PTH2R: variants seen among roughly 807,000 people sequenced by gnomAD.
The protein encoded by PTH2R is PTH2 receptor.
A neutral mutation model predicts 60.3 loss-of-function variants in PTH2R; 59 were observed. The ratio of observed to expected loss-of-function variants is 0.98; its 90% CI spans 0.79 to 1.22. The LOEUF (loss-of-function observed/expected upper bound fraction) is 1.22. Among genes scored for constraint, PTH2R ranks in the 50% most tolerant of loss-of-function variants. The probability of loss-of-function intolerance (pLI) is 0.00; values close to 1 mark genes in which losing one functional copy is unlikely to be tolerated. For missense variants in PTH2R, 749 were observed against 682.6 expected, an observed-to-expected ratio of 1.10 and a Z score of -1.08; for synonymous variants, 256 against 243.8, an observed-to-expected ratio of 1.05 and a Z score of -0.47.
At chr2:208,485,120 G>A (rs1344094946) in intron 10 of PTH2R, among the ~76,000 whole-genome samples, 1 of 152,110 alleles carries the variant, frequency 6.6e-6, no homozygotes, top group African/African-American at 2.4e-5. Context: ...CAAGGCCACG[G>A]GAATTGATCA....
At chr2:208,478,466 C>T (rs771979664) in intron 9 of PTH2R, among the ~76,000 whole-genome samples, 23 of 152,140 alleles carry the variant, frequency 1.5e-4, no homozygotes, top group Non-Finnish European at 2.6e-4. Flanking sequence ...GATTTCCACT[C>T]TTATATCCCT....
chr2:208,450,632 C>A, intron 7 of PTH2R, 117 bp from the exon 8 acceptor site: 1 of 982,606 alleles, frequency 1.0e-6, no homozygotes, highest in Non-Finnish European at 1.5e-6. Context: ...CAGAAATTTT[C>A]ATGTCTATTT....
intron 12 of PTH2R, among the ~76,000 whole-genome samples, chr2:208,491,729 G>T (rs576288227): frequency 2.0e-5 from 3 of 151,790 alleles, no homozygotes; most frequent in Non-Finnish European, 2.9e-5. Flanking sequence ...AAAGGGAAAG[G>T]AATGTATTTA....
At chr2:208,433,349 A>G (rs1238620322) in intron 2 of PTH2R, among the ~76,000 whole-genome samples, 1 of 152,204 alleles carries the variant, frequency 6.6e-6, no homozygotes, top group Non-Finnish European at 1.5e-5. Flanking sequence ...ATATAAATTG[A>G]CTCAAGTGCT....
At chr2:208,430,553 T>TC (rs1226353739) in intron 2 of PTH2R, among the ~76,000 whole-genome samples, 2 of 135,474 alleles carry the variant, frequency 1.5e-5, no homozygotes, top group African/African-American at 2.7e-5. Context: ...CTTCTTTTTT[T>TC]TTTTTTTTTT....
At chr2:208,482,500 T>C (rs1036048307) in intron 10 of PTH2R, among the ~76,000 whole-genome samples, 8 of 152,216 alleles carry the variant, frequency 5.3e-5, no homozygotes, top group African/African-American at 1.7e-4. Flanking sequence ...ATAACATTTG[T>C]ATGCAGAAGT....
chr2:208,453,528 C>G (rs1188281666), intron 8 of PTH2R, among the ~76,000 whole-genome samples: 2 of 152,166 alleles, frequency 1.3e-5, no homozygotes, highest in African/African-American at 2.4e-5. Flanking sequence ...TTCCAACAAA[C>G]CATGAATTCC....
rs556023610 is a variant in PTH2R, at chr2:208,442,416, C to T, written c.464C>T (p.Ser155Phe). The part of the protein sequence containing the change: ...YVMYTVGYSI[S>F]FGSLAVAILI... Reference sequence around the variant, plus strand: ...ATGTATACCGTTGGCTACTCCATCTCTTTTGGTTCCTTGGCTGTGGCTATT... The same window carrying T: ...ATGTATACCGTTGGCTACTCCATCTTTTTTGGTTCCTTGGCTGTGGCTATT... Residue 155 changes from serine to phenylalanine, a missense_variant, in exon 5 of 13, where the codon TCT becomes TTT. Ser to Phe is a radical substitution (Grantham distance 155). Transcript: ENST00000272847. 2.7e-5 allele frequency: 43 copies of T among 1,613,562 alleles called. No homozygotes were observed. Among genetic ancestry groups the T allele is most frequent in the South Asian group, 4.4e-5 (4 of 91,068 alleles).
intron 12 of PTH2R, among the ~76,000 whole-genome samples, chr2:208,492,620 C>G (rs1703429386): frequency 6.6e-6 from 1 of 152,072 alleles, no homozygotes; most frequent in Non-Finnish European, 1.5e-5. Context: ...GGATGGCTCT[C>G]AGGTCCTTGA....
rs753572528 is a variant in PTH2R, at chr2:208,481,077, T to A, written c.989T>A (p.Phe330Tyr). The change falls in exon 10 of 13, where the codon TTT (phenylalanine) becomes TAT (tyrosine). Residue 330 changes from phenylalanine (F) to tyrosine (Y), a missense_variant. Coordinates refer to ENST00000272847, the MANE Select transcript of PTH2R (RefSeq NM_005048.4). Reference sequence around the variant, plus strand: ...TCTTACCTTCTTTTTCAGCTGAATTTTATTCTGTTTCTGAATACGGTTAGA... The same window carrying A: ...TCTTACCTTCTTTTTCAGCTGAATTATATTCTGTTTCTGAATACGGTTAGA... ...APILAAIGLN[F>Y]ILFLNTVRVL... 51 of 1,598,106 alleles carry A rather than the reference T, an allele frequency of 3.2e-5. No homozygotes were observed. In the South Asian group the frequency reaches 5.6e-4, roughly 18 times the overall value.
chr2:208,463,823 G>A (rs1702681087), intron 9 of PTH2R, among the ~76,000 whole-genome samples: 1 of 152,182 alleles, frequency 6.6e-6, no homozygotes, highest in Admixed American at 6.5e-5. Context: ...GACCTGAGGG[G>A]ACTCCCAGGG....
rs746585323 is a variant in PTH2R at position 208,481,112 on chromosome 2, A to G, written c.1024A>G (p.Thr342Ala). 1.7e-5 allele frequency: 28 copies of G among 1,612,320 alleles called. No homozygotes were observed. In the South Asian group the frequency reaches 3.1e-4, roughly 18 times the overall value. ...LFLNTVRVLA[T>A]KIWETNAVGH... is the part of the protein sequence containing the mutation. ...TCTGAATACGGTTAGAGTTCTAGCTACCAAAATCTGGGAGACCAATGCAGT... is the reference window on the plus strand; with the variant it reads ...TCTGAATACGGTTAGAGTTCTAGCTGCCAAAATCTGGGAGACCAATGCAGT... The change falls in exon 10 of 13, where the codon ACC (threonine) becomes GCC (alanine). Residue 342 changes from threonine (T) to alanine (A), a missense_variant. Transcript: ENST00000272847.
intron 2 of PTH2R, among the ~76,000 whole-genome samples, chr2:208,433,352 C>G (rs1047165588): frequency 1.3e-5 from 2 of 152,130 alleles, no homozygotes; most frequent in African/African-American, 4.8e-5. Flanking sequence ...TAAATTGACT[C>G]AAGTGCTCTT....
At chr2:208,421,414 C>T (rs1660319907) in intron 1 of PTH2R, among the ~76,000 whole-genome samples, 1 of 150,736 alleles carries the variant, frequency 6.6e-6, no homozygotes, top group African/African-American at 2.4e-5. Flanking sequence ...TGCATGCTTC[C>T]TTGTGTGTGT....
chr2:208,393,246 A>T (rs1701141987), intron 1 of PTH2R, among the ~76,000 whole-genome samples: 1 of 152,094 alleles, frequency 6.6e-6, no homozygotes, highest in East Asian at 1.9e-4. Context: ...TAATGTGGGG[A>T]GATGCCTGTG....
At position 208,411,896 on chromosome 2, in the gene PTH2R, C is replaced by G. The variant is rs567934817; in HGVS notation, c.75+4778C>G. Among the ~76,000 whole-genome samples the G allele has an allele frequency of 3.3e-5, 5 of 152,278 alleles. No homozygotes were observed. In the South Asian group the frequency reaches 1.0e-3, roughly 32 times the overall value. On this transcript the variant is annotated intron_variant, in intron 1 of 12. Coordinates refer to ENST00000272847, the MANE Select transcript of PTH2R (RefSeq NM_005048.4). ...ATACAAACAAAAAGCTTAAAGGTGC[C>G]TGATAACAAAAGATGTCAGCTCTTT...
At position 208,437,740 on chromosome 2, in the gene PTH2R, C is replaced by T. The variant is rs1418459439; in HGVS notation, c.290-20C>T. The T allele has an allele frequency of 6.2e-7, 1 of 1,608,392 alleles. No homozygotes were observed. The highest frequency in any genetic ancestry group is 1.1e-5 in the South Asian group (1 of 90,816). On this transcript the variant is annotated intron_variant, in intron 3 of 12. Transcript: ENST00000272847. ...TTCTAAGGGAACTGAGCGATCTCAG[C>T]ATCTTTCATGTCTTTACAGGAGTTG... is the stretch of plus-strand genomic sequence containing the variant.
chr2:208,469,017 T>TA (rs1261962154), intron 9 of PTH2R, among the ~76,000 whole-genome samples: 1 of 152,232 alleles, frequency 6.6e-6, no homozygotes. Context: ...GAGTTCATTT[T>TA]ATGCAATCTT....
At chr2:208,391,401 AGATAAC>A (rs1291897908) in intron 1 of PTH2R, among the ~76,000 whole-genome samples, 2 of 152,202 alleles carry the variant, frequency 1.3e-5, no homozygotes, top group East Asian at 3.8e-4. Flanking sequence ...GTCTCTTGAT[AGATAAC>A]CCACTGGCTG....
Sources: allele counts gnomAD v4.1 joint callset (sites outside exome capture counted in the v4.1 genomes callset), GRCh38; gene constraint gnomAD v4.1.1; transcripts MANE v1.5; gene names NCBI Gene and HGNC (gene_info 2026-07-23, HGNC 2026-07-21).